NAA15: variants seen among roughly 807,000 people sequenced by gnomAD.
NAA15 encodes the protein N-alpha-acetyltransferase 15, NatA auxiliary subunit.
A neutral mutation model predicts 114.0 loss-of-function variants in NAA15; 34 were observed. The observed-to-expected ratio is 0.30, with a 90% confidence interval of 0.23 to 0.40. The LOEUF is 0.40. Ranked by LOEUF, NAA15 falls within the 10% of genes least tolerant of loss-of-function variation. The pLI is 1.00. For missense variants in NAA15, 658 were observed against 1,004.5 expected (o/e 0.66, Z 4.66); for synonymous variants, 340 against 338.0 (o/e 1.01, Z -0.06).
intron 16 of NAA15, among the ~76,000 whole-genome samples, chr4:139,378,489 G>C (rs886796511): frequency 6.6e-6 from 1 of 152,172 alleles, no homozygotes. Flanking sequence ...AGGCACTTCA[G>C]ATTTTCTTTG....
At chr4:139,306,406 T>G (rs1746016651) in intron 1 of NAA15, among the ~76,000 whole-genome samples, 2 of 151,730 alleles carry the variant, frequency 1.3e-5, no homozygotes, top group African/African-American at 2.4e-5. Flanking sequence ...TTTTTTTTTT[T>G]GTATTTTTAG....
rs146199856 is a variant in NAA15, at chr4:139,369,114, A to T, written c.1754-1097A>T. On this transcript the variant is annotated intron_variant, in intron 14 of 19. Transcript: ENST00000296543. ...AAAATAAGGTTACAAATTAGACAGG[A>T]TCTCCTTTACCAAAGAGCTCATAGC... Among the ~76,000 whole-genome samples the T allele has an allele frequency of 9.6e-3, 1,468 of 152,338 alleles. 19 individuals are homozygous for T. Among genetic ancestry groups the T allele is most frequent in the South Asian group, 0.042 (202 of 4,824 alleles).
Position 139,386,141 on chromosome 4 carries a change from A to G in NAA15, c.2311A>G (p.Met771Val). The change falls in exon 19 of 20, where the codon ATG (methionine) becomes GTG (valine). Residue 771 changes from methionine to valine, a missense_variant. Coordinates refer to ENST00000296543, the MANE Select transcript of NAA15 (RefSeq NM_057175.5). The part of the protein sequence containing the change: ...SLPHRLSAAK[M>V]VYYLDPSSQK... Reference sequence around the variant, plus strand: ...ATTTCCCTCTCATTTAGCTGCCAAAATGGTATATTACTTAGATCCTTCTAG... The same window carrying G: ...ATTTCCCTCTCATTTAGCTGCCAAAGTGGTATATTACTTAGATCCTTCTAG... 1 of 1,579,346 alleles carries G rather than the reference A, an allele frequency of 6.3e-7. No individual in the cohort carries two copies. The highest frequency in any genetic ancestry group is 1.4e-5 in the African/African-American group (1 of 73,548).
At chr4:139,360,398 GA>G in intron 12 of NAA15, 101 bp from the exon 13 acceptor site, 1 of 1,102,428 alleles carries the variant, frequency 9.1e-7, no homozygotes, top group Non-Finnish European at 1.2e-6. Flanking sequence ...AAATTTTTTT[GA>G]AAGAGTCCCA....
chr4:139,366,685 T>C (rs371609392), intron 14 of NAA15, among the ~76,000 whole-genome samples: 5 of 152,094 alleles, frequency 3.3e-5, no homozygotes, highest in African/African-American at 1.2e-4. Context: ...CATAGCTCAT[T>C]GCAGCCTCAA....
intron 2 of NAA15, 117 bp from the exon 3 acceptor site, chr4:139,336,731 C>T: frequency 2.0e-6 from 1 of 487,926 alleles, no homozygotes; most frequent in Non-Finnish European, 3.4e-6. Context: ...ATCTCCTTGA[C>T]ATTTTTAATT....
intron 6 of NAA15, among the ~76,000 whole-genome samples, chr4:139,345,163 C>T (rs1415531941): frequency 6.6e-6 from 1 of 152,104 alleles, no homozygotes; most frequent in Non-Finnish European, 1.5e-5. Context: ...CCATTGTTTG[C>T]CAGATAAACT....
intron 16 of NAA15, among the ~76,000 whole-genome samples, chr4:139,378,483 A>C (rs1359572743): frequency 6.6e-6 from 1 of 152,230 alleles, no homozygotes; most frequent in Non-Finnish European, 1.5e-5. Context: ...AAATGAAGGC[A>C]CTTCAGATTT....
intron 1 of NAA15, among the ~76,000 whole-genome samples, chr4:139,325,396 C>T (rs961438706): frequency 1.3e-5 from 2 of 152,152 alleles, no homozygotes; most frequent in Non-Finnish European, 2.9e-5. Flanking sequence ...AATTTTGCCA[C>T]TAGTTAGGTA....
chr4:139,378,660 ACT>A, intron 16 of NAA15, 94 bp from the exon 17 acceptor site: 1 of 627,482 alleles, frequency 1.6e-6, no homozygotes, highest in Non-Finnish European at 2.6e-6. Flanking sequence ...GATGTGATCG[ACT>A]CTAAATTTAC....
rs1261094100 is a variant in NAA15, at chr4:139,371,511, A to G, written c.1947+1107A>G. ...AAAGAAAAGTAGCACACACACACAC[A>G]CACACACACACACACACACACACAC... On this transcript the variant is annotated intron_variant, in intron 15 of 19. Transcript: ENST00000296543. 2.8e-4 allele frequency among the ~76,000 whole-genome samples: 40 copies of G among 143,854 alleles called. 1 individual carries two copies. The highest frequency in any genetic ancestry group is 1.0e-3 in the African/African-American group (36 of 35,014). 94.4% of individuals were successfully genotyped at this position (143,854 alleles called of 152,430 possible).
At chr4:139,361,552 G>C (rs2110959140) in intron 13 of NAA15, among the ~76,000 whole-genome samples, 172 bp from the exon 14 acceptor site, 1 of 152,184 alleles carries the variant, frequency 6.6e-6, no homozygotes, top group South Asian at 2.1e-4. Flanking sequence ...ATGGCTAACT[G>C]TATTTGCTTA....
chr4:139,301,894 C>T (rs1745773367), intron 1 of NAA15, 63 bp downstream of exon 1: 3 of 1,520,206 alleles, frequency 2.0e-6, no homozygotes, highest in South Asian at 2.4e-5. Flanking sequence ...CCTGTCACCC[C>T]TAACCTCGGC....
chr4:139,371,668 A>G (rs1208790585), intron 15 of NAA15, among the ~76,000 whole-genome samples: 1 of 152,114 alleles, frequency 6.6e-6, no homozygotes, highest in African/African-American at 2.4e-5. Flanking sequence ...AAGACTGCAC[A>G]GGGAAGCAAG....
At chr4:139,311,724 A>G (rs374374546) in intron 1 of NAA15, among the ~76,000 whole-genome samples, 9 of 152,012 alleles carry the variant, frequency 5.9e-5, no homozygotes, top group African/African-American at 1.7e-4. Flanking sequence ...AAGCTTTACA[A>G]CCGATTCTGA....
At chr4:139,331,639 ATT>A (rs1747004090) in intron 1 of NAA15, among the ~76,000 whole-genome samples, 1 of 78,296 alleles carries the variant, frequency 1.3e-5, no homozygotes, top group Non-Finnish European at 2.7e-5. Flanking sequence ...TTTTTTTTGT[ATT>A]TTTAGTAGAG....
chr4:139,358,861 A>AT (rs1748048168), intron 11 of NAA15, among the ~76,000 whole-genome samples: 1 of 152,122 alleles, frequency 6.6e-6, no homozygotes, highest in Non-Finnish European at 1.5e-5. Flanking sequence ...TCATGCCTGT[A>AT]ATCCCAGCAC....
intron 3 of NAA15, among the ~76,000 whole-genome samples, chr4:139,340,046 G>A (rs1482021067): frequency 1.3e-5 from 2 of 152,154 alleles, no homozygotes; most frequent in Admixed American, 6.5e-5. Context: ...TTTAGGCTGG[G>A]TTTGGGAGCT....
chr4:139,307,707 T>C (rs1746070599), intron 1 of NAA15, among the ~76,000 whole-genome samples: 1 of 152,170 alleles, frequency 6.6e-6, no homozygotes, highest in South Asian at 2.1e-4. Context: ...TTATTTAGAG[T>C]CCTTTCTTAA....
Sources: allele counts gnomAD v4.1 joint callset (sites outside exome capture counted in the v4.1 genomes callset), GRCh38; gene constraint gnomAD v4.1.1; transcripts MANE v1.5; gene names NCBI Gene and HGNC (gene_info 2026-07-23, HGNC 2026-07-21).